PLEKHG7: variants seen among roughly 807,000 people sequenced by gnomAD.
PLEKHG7 encodes pleckstrin homology domain-containing family G member 7.
A neutral mutation model predicts 85.2 loss-of-function variants in PLEKHG7; 77 were observed. The observed-to-expected ratio is 0.90, with a 90% CI of 0.75 to 1.09. The LOEUF (loss-of-function observed/expected upper bound fraction) is 1.09. PLEKHG7 is among the 50% of genes least tolerant of loss of function. The probability of loss-of-function intolerance (pLI) is 0.00; values close to 1 mark genes in which losing one functional copy is unlikely to be tolerated. For synonymous variants in PLEKHG7, 301 were observed against 302.4 expected (o/e 1.00, Z 0.05); for missense variants, 777 against 804.3 (o/e 0.97, Z 0.41).
At chr12:92,757,632 C>T (rs1424981122) in intron 13 of PLEKHG7, among the ~76,000 whole-genome samples, 1 of 152,158 alleles carries the variant, frequency 6.6e-6, no homozygotes, top group African/African-American at 2.4e-5. Context: ...AGAGAAGTTG[C>T]TTTTAATCCC....
chr12:92,736,570 G>T lies in PLEKHG7; in HGVS notation c.788G>T (p.Gly263Val). 1 of 1,226,370 alleles carries T rather than the reference G, an allele frequency of 8.2e-7. No individual in the cohort carries two copies. The highest frequency in any genetic ancestry group is 1.0e-6 in the Non-Finnish European group (1 of 982,770). The allele number at this position is 1,226,370 out of a possible 1,614,324, so 76.0% of individuals were successfully genotyped here. The change falls in exon 6 of 17, where the codon GGT becomes GTT. Residue 263 changes from glycine to valine, a missense_variant. Transcript: ENST00000344636. ...ITSFRGYDFYGLKDKTWDEVL... is the reference protein window; with the variant it reads ...ITSFRGYDFYVLKDKTWDEVL... Reference sequence around the variant, plus strand: ...AGCTTCAGGGGCTATGACTTCTACGGTCTTAAGGTATCTTTCAAACTGTTA... The same window carrying T: ...AGCTTCAGGGGCTATGACTTCTACGTTCTTAAGGTATCTTTCAAACTGTTA...
intron 3 of PLEKHG7, among the ~76,000 whole-genome samples, chr12:92,718,891 T>C (rs1871561337): frequency 6.6e-6 from 1 of 152,196 alleles, no homozygotes; most frequent in Non-Finnish European, 1.5e-5. Context: ...CCACAGTACA[T>C]GGCATTTCTC....
intron 1 of PLEKHG7, among the ~76,000 whole-genome samples, chr12:92,705,138 A>C (rs1871197027): frequency 6.6e-6 from 1 of 152,242 alleles, no homozygotes; most frequent in Non-Finnish European, 1.5e-5. Context: ...AGAAGTAAGG[A>C]ATAAAAATTA....
chr12:92,749,562 T>C (rs1236914822), intron 10 of PLEKHG7: 1 of 152,184 alleles, frequency 6.6e-6, no homozygotes, highest in Admixed American at 6.5e-5. Flanking sequence ...AACAAAACGA[T>C]GCAGAGGAAG....
rs1872191151 is a variant in PLEKHG7 at position 92,737,456 on chromosome 12, G to A, written c.874G>A (p.Ala292Thr). Residue 292 changes from alanine (A) to threonine (T), a missense_variant, in exon 7 of 17, where the codon GCC (alanine) becomes ACC (threonine). By Grantham distance (58) the Ala-to-Thr change is moderately conservative. This residue lies in a region of PLEKHG7 where 520 missense variants were observed against 544.0 expected (regional missense o/e 0.96). Coordinates refer to ENST00000344636, the MANE Select transcript of PLEKHG7 (RefSeq NM_001377329.1). ...DQLDLKKQQE[A>T]VWELFTSECT... ...ATTAGACCTGAAAAAGCAGCAAGAG[G>A]CCGTGTGGGAACTTTTCACAAGTGA... The A allele has an allele frequency of 1.3e-6, 2 of 1,589,948 alleles. No individual in the cohort carries two copies. Among genetic ancestry groups the A allele is most frequent in the East Asian group, 4.5e-5 (2 of 44,268 alleles).
intron 10 of PLEKHG7, among the ~76,000 whole-genome samples, chr12:92,752,895 T>C (rs1872728468): frequency 6.6e-6 from 1 of 152,044 alleles, no homozygotes; most frequent in Admixed American, 6.5e-5. Context: ...CAGACAGCTG[T>C]CTTCTCGCTG....
intron 13 of PLEKHG7, among the ~76,000 whole-genome samples, chr12:92,756,705 T>C (rs1010252571): frequency 1.3e-5 from 2 of 152,210 alleles, no homozygotes; most frequent in African/African-American, 4.8e-5. Flanking sequence ...GCAGCTGTTA[T>C]CATCATAATC....
In PLEKHG7 at chr12:92,706,907, A is replaced by G; in HGVS notation, c.276A>G (p.Pro92=). ...TTTCGAAGAGCCTGCCAGGAAGCCC[A>G]AAGGATTCTTCACACTTGCTGTCAC... is the stretch of plus-strand genomic sequence containing the variant. ...CYLSKSLPGS[P]KDSSHLLSPL... is the part of the protein sequence containing the mutation. The change falls in exon 2 of 17, where the codon CCA becomes CCG. Residue 92 remains proline (P), a synonymous_variant. Coordinates refer to ENST00000344636, the MANE Select transcript of PLEKHG7 (RefSeq NM_001377329.1). 1 of 1,614,114 alleles carries G rather than the reference A, an allele frequency of 6.2e-7. No homozygotes were observed. Among genetic ancestry groups the G allele is most frequent in the Non-Finnish European group, 8.5e-7 (1 of 1,180,008 alleles).
chr12:92,765,015 G>A (rs983341946), intron 15 of PLEKHG7, among the ~76,000 whole-genome samples: 7 of 151,976 alleles, frequency 4.6e-5, no homozygotes, highest in South Asian at 2.1e-4. Context: ...TGGAGGGGCC[G>A]GAAAAGAGAA....
At chr12:92,710,519 A>AT (rs1263172752) in intron 3 of PLEKHG7, among the ~76,000 whole-genome samples, 2 of 152,228 alleles carry the variant, frequency 1.3e-5, no homozygotes, top group Non-Finnish European at 2.9e-5. Flanking sequence ...GAAGCACTGC[A>AT]TACAGGATAG....
chr12:92,729,012 A>T lies in PLEKHG7; in HGVS notation c.550A>T (p.Ser184Cys). The T allele has an allele frequency of 8.1e-7, 1 of 1,231,704 alleles. No homozygotes were observed. 76.3% of individuals were successfully genotyped at this position (1,231,704 alleles called of 1,614,324 possible). A position where few individuals can be genotyped will look rare whatever the true frequency, so the allele number is the denominator to read the frequency against. Reference protein sequence around the residue: ...HPSRFYEHRRSSVVLNLPGLE... With the variant: ...HPSRFYEHRRCSVVLNLPGLE... ...GCACAGGTTCTACGAGCACAGGCGG[A>T]GTTCTGTGGTGCTGAACTTACCTGG... Residue 184 changes from serine to cysteine, a missense_variant, in exon 4 of 17, where the codon AGT becomes TGT. Coordinates refer to ENST00000344636, the MANE Select transcript of PLEKHG7 (RefSeq NM_001377329.1).
intron 13 of PLEKHG7, among the ~76,000 whole-genome samples, chr12:92,761,494 G>A (rs575871484): frequency 5.3e-5 from 8 of 150,684 alleles, no homozygotes; most frequent in East Asian, 2.0e-4. Flanking sequence ...CTGGGGTGCC[G>A]TAATACTCAC....
chr12:92,741,653 T>A lies in PLEKHG7; in HGVS notation c.1137+61T>A, dbSNP rs1790378100. ...TAAAATCACCCACCTCCCAGGACAG[T>A]TGTTTATACCCTACTTGATTTTAAT... On this transcript the variant is annotated intron_variant, in intron 9 of 16. Transcript: ENST00000344636. The A allele has an allele frequency of 3.2e-6, 4 of 1,267,650 alleles. No individual in the cohort carries two copies. The South Asian group carries it at 5.2e-5, about 16-fold the overall frequency. The allele number at this position is 1,267,650 out of a possible 1,614,324, so 78.5% of individuals were successfully genotyped here.
chr12:92,716,306 C>T (rs1871492612), intron 3 of PLEKHG7, among the ~76,000 whole-genome samples: 1 of 152,148 alleles, frequency 6.6e-6, no homozygotes, highest in African/African-American at 2.4e-5. Context: ...CATTGTTGGC[C>T]AGGCTGGCCT....
At chr12:92,734,488 C>T (rs1872082518) in intron 5 of PLEKHG7, among the ~76,000 whole-genome samples, 1 of 152,214 alleles carries the variant, frequency 6.6e-6, no homozygotes, top group Non-Finnish European at 1.5e-5. Context: ...AACATTATTA[C>T]TTCTCATTTT....
chr12:92,767,623 T>G (rs1420505940), intron 15 of PLEKHG7, among the ~76,000 whole-genome samples: 1 of 152,176 alleles, frequency 6.6e-6, no homozygotes, highest in Non-Finnish European at 1.5e-5. Flanking sequence ...TTGGGAATTA[T>G]GATGTTTAGA....
At position 92,761,853 on chromosome 12, in the gene PLEKHG7, G is replaced by A. The variant is rs367655997; in HGVS notation, c.1716+22G>A. On this transcript the variant is annotated intron_variant, in intron 14 of 16. Transcript: ENST00000344636. ...AAAGGTAAAATGCTGCTATTTCAAA[G>A]TACGTTTCTAAACAAGTTTGCTAAA... is the stretch of plus-strand genomic sequence containing the variant. The A allele has an allele frequency of 1.2e-5, 18 of 1,549,624 alleles. No homozygotes were observed. In the African/African-American group the frequency reaches 2.6e-4, roughly 22 times the overall value.
intron 3 of PLEKHG7, among the ~76,000 whole-genome samples, chr12:92,723,444 T>C (rs934863180): frequency 6.6e-6 from 1 of 152,172 alleles, no homozygotes; most frequent in African/African-American, 2.4e-5. Flanking sequence ...CCAACACAAA[T>C]GATTATAAGA....
intron 13 of PLEKHG7, among the ~76,000 whole-genome samples, chr12:92,760,986 A>T (rs567904267): frequency 3.3e-5 from 5 of 152,318 alleles, no homozygotes; most frequent in Admixed American, 1.3e-4. Flanking sequence ...GGTGATGGCA[A>T]ATTCAGTTCC....
Sources: allele counts gnomAD v4.1 joint callset (sites outside exome capture counted in the v4.1 genomes callset), GRCh38; gene constraint gnomAD v4.1.1; regional missense constraint gnomAD v4.1.1; transcripts MANE v1.5; gene names NCBI Gene and HGNC (gene_info 2026-07-23, HGNC 2026-07-21).